The following CDH18 variants were observed in gnomAD, a reference collection of about 807,000 sequenced individuals.
The protein encoded by CDH18 is cadherin 18.
A neutral mutation model predicts 67.9 loss-of-function variants in CDH18; 31 were observed. The ratio of observed to expected loss-of-function variants is 0.46; its 90% confidence interval spans 0.34 to 0.62. CDH18 has a LOEUF of 0.62. CDH18 is among the 20% of genes least tolerant of loss of function. The pLI, the probability that CDH18 is intolerant of heterozygous loss-of-function variation, is 0.01. For synonymous variants in CDH18, 362 were observed against 347.2 expected, an observed-to-expected ratio of 1.04 and a Z score of -0.48; for missense variants, 890 against 975.5, an observed-to-expected ratio of 0.91 and a Z score of 1.17.
intron 2 of CDH18, among the ~76,000 whole-genome samples, chr5:20,060,092 T>C (rs1742330295): frequency 6.6e-6 from 1 of 152,090 alleles, no homozygotes; most frequent in African/African-American, 2.4e-5. Flanking sequence ...ACGTGCACAT[T>C]CTGCACATAT....
chr5:19,608,313 T>C (rs1429968682), intron 6 of CDH18, among the ~76,000 whole-genome samples: 3 of 151,642 alleles, frequency 2.0e-5, no homozygotes, highest in Admixed American at 1.3e-4. Context: ...GACCCAGATA[T>C]CATTTTCAAA....
intron 1 of CDH18, among the ~76,000 whole-genome samples, chr5:20,573,825 A>T (rs898511548): frequency 8.6e-4 from 13 of 15,088 alleles, no homozygotes; most frequent in African/African-American, 2.5e-3. Flanking sequence ...ATATATATAT[A>T]TATATATATA....
intron 2 of CDH18, among the ~76,000 whole-genome samples, chr5:20,219,845 A>T (rs561682819): frequency 6.6e-6 from 1 of 152,104 alleles, no homozygotes; most frequent in South Asian, 2.1e-4. Flanking sequence ...TAAAAGTCAC[A>T]TATGAGACAC....
intron 2 of CDH18, among the ~76,000 whole-genome samples, chr5:19,974,966 A>T (rs1384437511): frequency 1.3e-5 from 2 of 152,070 alleles, no homozygotes; most frequent in Non-Finnish European, 2.9e-5. Context: ...ACTTAAATGT[A>T]CTCTTCTACA....
chr5:20,212,515 A>C (rs1740432616), intron 2 of CDH18, among the ~76,000 whole-genome samples: 1 of 152,116 alleles, frequency 6.6e-6, no homozygotes, highest in Admixed American at 6.6e-5. Context: ...AAAAATGTTA[A>C]GGCAGCCAGG....
At chr5:19,797,496 C>T (rs1039856795) in intron 3 of CDH18, among the ~76,000 whole-genome samples, 1 of 151,880 alleles carries the variant, frequency 6.6e-6, no homozygotes, top group African/African-American at 2.4e-5. Flanking sequence ...TAAGTGAGTT[C>T]AACAAGTTGG....
In CDH18 at chr5:20,520,543, A is replaced by G. The variant is rs541050744; in HGVS notation, c.-580+54919T>C. Reference sequence around the variant, plus strand: ...ATGGGATGGATAGAACCTTAGTGCTAATATACAAGCATGCTCTGAAATACA... The same window carrying G: ...ATGGGATGGATAGAACCTTAGTGCTGATATACAAGCATGCTCTGAAATACA... On this transcript the variant is annotated intron_variant, in intron 1 of 14. Transcript: ENST00000507958. 1.8e-4 allele frequency among the ~76,000 whole-genome samples: 27 copies of G among 152,260 alleles called. 2 individuals carry two copies. The South Asian group carries it at 5.6e-3, about 32-fold the overall frequency.
chr5:19,519,568 C>T (rs561387831), intron 10 of CDH18, among the ~76,000 whole-genome samples: 82 of 152,274 alleles, frequency 5.4e-4, no homozygotes, highest in African/African-American at 1.9e-3. Flanking sequence ...CCTGTAATCC[C>T]TCTGCCTTCA....
At chr5:20,084,582 G>A (rs1282823841) in intron 2 of CDH18, among the ~76,000 whole-genome samples, 1 of 152,164 alleles carries the variant, frequency 6.6e-6, no homozygotes, top group Non-Finnish European at 1.5e-5. Flanking sequence ...CTTCTGCACT[G>A]CCCTAGTGGA....
At chr5:20,063,165 A>AT (rs1742658519) in intron 2 of CDH18, among the ~76,000 whole-genome samples, 2 of 150,944 alleles carry the variant, frequency 1.3e-5, no homozygotes, top group South Asian at 4.2e-4. Flanking sequence ...TTATTTATGA[A>AT]TTTTTTCACT....
At chr5:20,412,006 C>A (rs1346575673) in intron 1 of CDH18, among the ~76,000 whole-genome samples, 4 of 152,158 alleles carry the variant, frequency 2.6e-5, no homozygotes, top group African/African-American at 9.7e-5. Flanking sequence ...TTATCAACAT[C>A]ACTTTTCATA....
intron 1 of CDH18, among the ~76,000 whole-genome samples, chr5:20,381,923 A>T (rs904439046): frequency 6.6e-6 from 1 of 152,102 alleles, no homozygotes; most frequent in African/African-American, 2.4e-5. Flanking sequence ...TTTATACTAT[A>T]AATATAATAA....
chr5:19,854,624 C>T (rs571549554), intron 2 of CDH18, among the ~76,000 whole-genome samples: 18 of 151,978 alleles, frequency 1.2e-4, no homozygotes, highest in East Asian at 5.8e-4. Flanking sequence ...CATTTACAGA[C>T]GACTAGTAAA....
intron 1 of CDH18, among the ~76,000 whole-genome samples, chr5:20,268,897 T>A (rs923330387): frequency 2.0e-5 from 3 of 152,146 alleles, no homozygotes; most frequent in African/African-American, 4.8e-5. Context: ...ACTAAAATGC[T>A]TCTGCGCAAC....
intron 5 of CDH18, among the ~76,000 whole-genome samples, chr5:19,621,202 A>G (rs1580538281): frequency 6.9e-6 from 1 of 143,922 alleles, no homozygotes; most frequent in East Asian, 2.1e-4. Flanking sequence ...GGTTTAGCCT[A>G]AACAAGAACC....
chr5:20,190,666 C>T (rs1429363206), intron 2 of CDH18, among the ~76,000 whole-genome samples: 2 of 152,084 alleles, frequency 1.3e-5, no homozygotes, highest in Non-Finnish European at 2.9e-5. Flanking sequence ...CATGATCACA[C>T]TTATTTCCGT....
At chr5:20,090,729 A>G (rs951348713) in intron 2 of CDH18, among the ~76,000 whole-genome samples, 7 of 152,004 alleles carry the variant, frequency 4.6e-5, no homozygotes, top group African/African-American at 1.7e-4. Context: ...TAAAAAGAAA[A>G]GAAAAAAAAA....
chr5:19,715,943 G>T (rs1304063900), intron 5 of CDH18, among the ~76,000 whole-genome samples: 1 of 151,236 alleles, frequency 6.6e-6, no homozygotes, highest in Non-Finnish European at 1.5e-5. Flanking sequence ...TCAGCATCCT[G>T]AGTAGCTGGG....
rs148437527 is a variant in CDH18, at chr5:20,367,521, T to A, written c.-579-112016A>T. On this transcript the variant is annotated intron_variant, in intron 1 of 14. Transcript: ENST00000507958. ...AGTTAGGCAAATAAGGTATTAATATTTGCGTTGTAGTTTTTCAGTAGATAA... is the reference window on the plus strand; with the variant it reads ...AGTTAGGCAAATAAGGTATTAATATATGCGTTGTAGTTTTTCAGTAGATAA... Among the ~76,000 whole-genome samples the A allele has an allele frequency of 4.5e-3, 678 of 152,324 alleles. 4 individuals are homozygous for A. The highest frequency in any genetic ancestry group is 6.2e-3 in the Non-Finnish European group (419 of 68,030).
Sources: gnomAD v4.1 joint callset for allele counts (sites outside exome capture counted in the v4.1 genomes callset) on GRCh38, gnomAD v4.1.1 for gene constraint, MANE v1.5 for transcripts, NCBI Gene and HGNC (gene_info 2026-07-23, HGNC 2026-07-21) for gene names.